The following ADK variants were observed in gnomAD, a reference collection of about 807,000 sequenced individuals.
ADK encodes adenosine kinase.
Under a neutral mutation model 44.7 loss-of-function variants are expected in ADK, and 24 were observed. The ratio of observed to expected loss-of-function variants is 0.54; its 90% confidence interval spans 0.39 to 0.76. The LOEUF (loss-of-function observed/expected upper bound fraction) is 0.76. Among genes scored for constraint, ADK ranks in the 30% least tolerant of loss-of-function variants. ADK has a pLI of 0.00. For missense variants in ADK, 321 were observed against 425.1 expected (o/e 0.76, Z 2.15); for synonymous variants, 128 against 142.6 (o/e 0.90, Z 0.73).
intron 1 of ADK, among the ~76,000 whole-genome samples, chr10:74,182,348 T>TTTATTTA (rs1842589983): frequency 1.4e-5 from 2 of 145,728 alleles, no homozygotes; most frequent in East Asian, 4.0e-4. Flanking sequence ...ACAGAAATCT[T>TTTATTTA]TTTATTTATT....
intron 6 of ADK, among the ~76,000 whole-genome samples, chr10:74,486,064 T>C (rs908312150): frequency 2.6e-5 from 4 of 152,206 alleles, no homozygotes; most frequent in African/African-American, 9.7e-5. Context: ...TCATCTTGAA[T>C]TGTAATCCCT....
intron 3 of ADK, among the ~76,000 whole-genome samples, chr10:74,253,077 G>C (rs542122754): frequency 6.6e-6 from 1 of 152,206 alleles, no homozygotes; most frequent in Admixed American, 6.5e-5. Context: ...TGCAGGGCAG[G>C]TGAGCCCCAA....
In ADK at chr10:74,329,740, A is replaced by C. The variant is rs142175060; in HGVS notation, c.273+14995A>C. Among the ~76,000 whole-genome samples the C allele has an allele frequency of 3.5e-4, 54 of 152,366 alleles. 1 individual carries two copies. The highest frequency in any genetic ancestry group is 1.5e-3 in the East Asian group (8 of 5,194). ...TTTTAGAAATTAGAGCTCTGTCAAA[A>C]TAAGAGAAAAACTTAGATTTAATTT... is the stretch of plus-strand genomic sequence containing the variant. On this transcript the variant is annotated intron_variant, in intron 4 of 10. Coordinates refer to ENST00000539909, the MANE Select transcript of ADK (RefSeq NM_006721.4).
At chr10:74,649,049 A>G (rs1483437127) in intron 9 of ADK, among the ~76,000 whole-genome samples, 2 of 151,874 alleles carry the variant, frequency 1.3e-5, no homozygotes, top group Non-Finnish European at 2.9e-5. Context: ...GCGTGGTGGC[A>G]CGCAGCCTGT....
At chr10:74,227,861 T>G (rs1481546419) in intron 3 of ADK, among the ~76,000 whole-genome samples, 2 of 150,970 alleles carry the variant, frequency 1.3e-5, no homozygotes, top group Non-Finnish European at 3.0e-5. Context: ...GAAAAAAAAA[T>G]TAGCCTGATG....
intron 6 of ADK, among the ~76,000 whole-genome samples, chr10:74,491,585 A>C (rs549732573): frequency 6.6e-6 from 1 of 152,114 alleles, no homozygotes; most frequent in South Asian, 2.1e-4. Flanking sequence ...CTGGCCTTTT[A>C]CTCTGTATTT....
chr10:74,333,052 A>C (rs1050318736), intron 4 of ADK, among the ~76,000 whole-genome samples: 1 of 152,166 alleles, frequency 6.6e-6, no homozygotes, highest in Non-Finnish European at 1.5e-5. Flanking sequence ...AAAAAGGAAA[A>C]AAAAACTAAA....
intron 9 of ADK, among the ~76,000 whole-genome samples, chr10:74,636,926 A>G (rs1300335756): frequency 1.3e-5 from 2 of 152,216 alleles, no homozygotes; most frequent in Non-Finnish European, 2.9e-5. Flanking sequence ...CTATATCTAC[A>G]TGTGCAAGCT....
chr10:74,398,606 T>C (rs1208952592), intron 6 of ADK, 27 bp downstream of exon 6: 2 of 1,307,938 alleles, frequency 1.5e-6, no homozygotes, highest in South Asian at 2.5e-5. Flanking sequence ...TTCAAATCTC[T>C]AGTACATATT....
intron 6 of ADK, among the ~76,000 whole-genome samples, chr10:74,446,879 A>G (rs1260496545): frequency 6.6e-6 from 1 of 152,088 alleles, no homozygotes. Context: ...GTTCTCATTC[A>G]TTGATTTTCA....
intron 3 of ADK, 56 bp from the exon 4 acceptor site, chr10:74,314,611 C>T: frequency 2.5e-6 from 3 of 1,197,940 alleles, no homozygotes; most frequent in Non-Finnish European, 3.7e-6. Flanking sequence ...GAAAAGTTTA[C>T]TTTGTTGCAA....
chr10:74,536,580 AC>A, intron 7 of ADK, among the ~76,000 whole-genome samples: 1 of 151,130 alleles, frequency 6.6e-6, no homozygotes, highest in Non-Finnish European at 1.5e-5. Context: ...TACAGCCATC[AC>A]CACTATTCCT....
chr10:74,291,153 C>T (rs1847410684), intron 3 of ADK, among the ~76,000 whole-genome samples: 2 of 152,160 alleles, frequency 1.3e-5, no homozygotes, highest in Admixed American at 1.3e-4. Flanking sequence ...TGCGGTGGCT[C>T]ACGCCTGTAA....
intron 7 of ADK, among the ~76,000 whole-genome samples, chr10:74,543,863 TTTC>T (rs1430296450): frequency 6.6e-6 from 1 of 152,114 alleles, no homozygotes; most frequent in Non-Finnish European, 1.5e-5. Flanking sequence ...ATCTTTTTTT[TTTC>T]TTTTTTTTGC....
chr10:74,598,087 T>G (rs73276256), intron 8 of ADK, among the ~76,000 whole-genome samples: 6,553 of 152,222 alleles, frequency 0.043, 431 homozygotes, highest in African/African-American at 0.14. Flanking sequence ...AGGAAATGGA[T>G]CTTAGAGAGG....
intron 7 of ADK, among the ~76,000 whole-genome samples, chr10:74,534,319 T>C (rs1448586220): frequency 6.6e-6 from 1 of 152,250 alleles, no homozygotes; most frequent in East Asian, 1.9e-4. Context: ...ATTCCATTTA[T>C]ATGTTTAAAA....
chr10:74,512,402 CTTTT>C (rs36119808), intron 6 of ADK, among the ~76,000 whole-genome samples: 1 of 128,538 alleles, frequency 7.8e-6, no homozygotes, highest in Non-Finnish European at 1.6e-5. Flanking sequence ...CAGTTCTGGA[CTTTT>C]TTTTTTTTTT....
chr10:74,304,705 G>A (rs1169855468), intron 3 of ADK, among the ~76,000 whole-genome samples: 1 of 152,144 alleles, frequency 6.6e-6, no homozygotes, highest in African/African-American at 2.4e-5. Context: ...ATTTGTATAG[G>A]TTGGTAGTGT....
intron 6 of ADK, among the ~76,000 whole-genome samples, chr10:74,399,368 A>G (rs1316254328): frequency 6.6e-6 from 1 of 151,366 alleles, no homozygotes; most frequent in East Asian, 1.9e-4. Context: ...TGATTACCCT[A>G]CTAGGAGGAA....
Sources: allele counts gnomAD v4.1 joint callset (sites outside exome capture counted in the v4.1 genomes callset), GRCh38; gene constraint gnomAD v4.1.1; transcripts MANE v1.5; gene names NCBI Gene and HGNC (gene_info 2026-07-23, HGNC 2026-07-21).